UGT8: variants seen among roughly 807,000 people sequenced by gnomAD.
The protein encoded by UGT8 is 2-hydroxyacylsphingosine 1-beta-galactosyltransferase.
UGT8 carries 12 observed loss-of-function variants against 40.5 expected under a neutral mutation model. That is an observed-to-expected ratio of 0.30 (90% CI 0.19 to 0.48). The LOEUF (loss-of-function observed/expected upper bound fraction) is 0.48, where lower values mean the gene tolerates loss of function less well. UGT8 is among the 20% of genes least tolerant of loss of function. The probability of loss-of-function intolerance (pLI) is 0.99; values close to 1 mark genes in which losing one functional copy is unlikely to be tolerated. For missense variants in UGT8, 513 were observed against 648.7 expected (o/e 0.79, Z 2.27); for synonymous variants, 224 against 240.4 (o/e 0.93, Z 0.63).
intron 1 of UGT8, among the ~76,000 whole-genome samples, chr4:114,607,857 T>G (rs1432408097): frequency 2.0e-5 from 3 of 152,186 alleles, no homozygotes; most frequent in Non-Finnish European, 4.4e-5. Flanking sequence ...ACATCACTTC[T>G]TCACCAGTGG....
intron 1 of UGT8, among the ~76,000 whole-genome samples, chr4:114,602,842 T>C (rs1455654501): frequency 6.6e-6 from 1 of 152,236 alleles, no homozygotes; most frequent in Non-Finnish European, 1.5e-5. Context: ...CATGGAGGGC[T>C]GTTTGCCATT....
chr4:114,675,835 T>G (rs889888590), intron 5 of UGT8, 90 bp from the exon 6 acceptor site: 3 of 1,468,952 alleles, frequency 2.0e-6, no homozygotes, highest in Non-Finnish European at 2.7e-6. Context: ...ATAGTTGTTT[T>G]AATTATTTCC....
At chr4:114,611,926 G>A (rs997020267) in intron 1 of UGT8, among the ~76,000 whole-genome samples, 1 of 152,096 alleles carries the variant, frequency 6.6e-6, no homozygotes, top group South Asian at 2.1e-4. Flanking sequence ...CAGAAACCAT[G>A]AGGGCAGGCC....
chr4:114,612,180 T>C (rs1296615302), intron 1 of UGT8, among the ~76,000 whole-genome samples: 1 of 152,156 alleles, frequency 6.6e-6, no homozygotes, highest in Non-Finnish European at 1.5e-5. Flanking sequence ...TCAACAAATA[T>C]TCTTAGTTCA....
chr4:114,618,032 T>A (rs1327432001), intron 1 of UGT8, among the ~76,000 whole-genome samples: 1 of 152,176 alleles, frequency 6.6e-6, no homozygotes, highest in Non-Finnish European at 1.5e-5. Flanking sequence ...ATCATTATAA[T>A]CACTTTATAT....
intron 2 of UGT8, among the ~76,000 whole-genome samples, chr4:114,662,697 C>G (rs976968690): frequency 6.6e-6 from 1 of 150,808 alleles, no homozygotes; most frequent in Non-Finnish European, 1.5e-5. Context: ...AAAGTTAATA[C>G]AGATCTCTTT....
intron 2 of UGT8, among the ~76,000 whole-genome samples, chr4:114,634,249 G>A (rs977843754): frequency 6.6e-6 from 1 of 152,162 alleles, no homozygotes; most frequent in African/African-American, 2.4e-5. Flanking sequence ...GTTTAGTTGG[G>A]GGCATATTGA....
At position 114,616,705 on chromosome 4, in the gene UGT8, G is replaced by A. The variant is rs147842658; in HGVS notation, c.-2-6174G>A. Among the ~76,000 whole-genome samples the A allele has an allele frequency of 3.5e-3, 530 of 152,302 alleles. 2 individuals are homozygous for A. Among genetic ancestry groups the A allele is most frequent in the Non-Finnish European group, 4.7e-3 (323 of 68,032 alleles). ...TTCTGCGTCACTCATGCTGGGAGCT[G>A]TAGGCTGGAGCTGTTCCTATTCGGC... On this transcript the variant is annotated intron_variant, in intron 1 of 5. Coordinates refer to ENST00000310836, the MANE Select transcript of UGT8 (RefSeq NM_001128174.3).
chr4:114,645,231 T>G (rs927985467), intron 2 of UGT8, among the ~76,000 whole-genome samples: 2 of 152,194 alleles, frequency 1.3e-5, no homozygotes, highest in African/African-American at 4.8e-5. Flanking sequence ...ACTACCAAGT[T>G]CTCTTTAAAA....
intron 2 of UGT8, among the ~76,000 whole-genome samples, chr4:114,660,859 C>G (rs1471129105): frequency 6.6e-6 from 1 of 150,734 alleles, no homozygotes; most frequent in African/African-American, 2.5e-5. Flanking sequence ...CCACTGCACT[C>G]CAGCCTGGGT....
chr4:114,667,876 G>T (rs1734987612), intron 4 of UGT8: 2 of 904,732 alleles, frequency 2.2e-6, no homozygotes. Flanking sequence ...CTTAAAAATG[G>T]CTTTTAATTG....
chr4:114,635,036 T>A (rs1732804941), intron 2 of UGT8, among the ~76,000 whole-genome samples: 1 of 152,134 alleles, frequency 6.6e-6, no homozygotes, highest in African/African-American at 2.4e-5. Flanking sequence ...AGCTTTTTTT[T>A]TTTTTAGTAA....
intron 2 of UGT8, among the ~76,000 whole-genome samples, chr4:114,633,151 A>G (rs1402400486): frequency 1.3e-5 from 2 of 152,226 alleles, no homozygotes; most frequent in Admixed American, 6.5e-5. Flanking sequence ...TTAGTTATAC[A>G]TTGAGTGCAG....
chr4:114,664,014 A>G lies in UGT8; in HGVS notation c.842A>G (p.Asn281Ser). 6.2e-7 allele frequency: 1 copy of G among 1,613,984 alleles called. No homozygotes were observed. Among genetic ancestry groups the G allele is most frequent in the Non-Finnish European group, 8.5e-7 (1 of 1,179,914 alleles). The change falls in exon 3 of 6, where the codon AAT becomes AGT. Residue 281 changes from asparagine (N) to serine (S), a missense_variant. This residue lies in a region of UGT8 where 335 missense variants were observed against 444.8 expected (regional missense o/e 0.75). Transcript: ENST00000310836. ...TTACAGGATCTCCAAAGATGGGTAA[A>G]TGGTGCTAATGAACATGGCTTTGTC... ...PLPEDLQRWV[N>S]GANEHGFVLV...
chr4:114,629,060 T>G (rs1032116858), intron 2 of UGT8, among the ~76,000 whole-genome samples: 1 of 152,116 alleles, frequency 6.6e-6, no homozygotes, highest in Admixed American at 6.5e-5. Flanking sequence ...TCTCTAGGCT[T>G]GGATATGAGA....
intron 2 of UGT8, among the ~76,000 whole-genome samples, chr4:114,640,410 A>G (rs1235990947): frequency 2.0e-5 from 3 of 152,154 alleles, no homozygotes; most frequent in African/African-American, 4.8e-5. Flanking sequence ...ATTTATAGGT[A>G]TTGACTCAAG....
intron 2 of UGT8, among the ~76,000 whole-genome samples, chr4:114,650,928 G>A (rs565304618): frequency 4.7e-5 from 7 of 148,494 alleles, no homozygotes; most frequent in South Asian, 4.2e-4. Flanking sequence ...TGTCATTTCC[G>A]TTGCCCAAAA....
chr4:114,675,144 G>A, intron 5 of UGT8, among the ~76,000 whole-genome samples: 1 of 152,036 alleles, frequency 6.6e-6, no homozygotes, highest in African/African-American at 2.4e-5. Flanking sequence ...CATATTTAAT[G>A]TTATTTTAAA....
intron 2 of UGT8, among the ~76,000 whole-genome samples, chr4:114,631,944 T>A (rs966546795): frequency 5.9e-5 from 9 of 152,196 alleles, no homozygotes; most frequent in Non-Finnish European, 1.0e-4. Flanking sequence ...TTCCACTTTG[T>A]GAAACTAAGA....
Sources: allele counts gnomAD v4.1 joint callset (sites outside exome capture counted in the v4.1 genomes callset), GRCh38; gene constraint gnomAD v4.1.1; regional missense constraint gnomAD v4.1.1; transcripts MANE v1.5; gene names NCBI Gene and HGNC (gene_info 2026-07-23, HGNC 2026-07-21).